RFX4: variants seen among roughly 807,000 people sequenced by gnomAD.
The protein encoded by RFX4 is regulatory factor X4, also known as transcription factor RFX4.
RFX4 carries 10 observed loss-of-function variants against 95.0 expected under a neutral mutation model. That is an observed-to-expected ratio of 0.11 (90% CI 0.06 to 0.18). The LOEUF is 0.18. RFX4 is among the 10% of genes least tolerant of loss of function. RFX4 has a pLI of 1.00. For synonymous variants in RFX4, 321 were observed against 340.7 expected, an observed-to-expected ratio of 0.94 and a Z score of 0.64; for missense variants, 640 against 922.0, an observed-to-expected ratio of 0.69 and a Z score of 3.96.
At chr12:106,654,043 C>T (rs1431028897) in intron 3 of RFX4, among the ~76,000 whole-genome samples, 185 bp from the exon 4 acceptor site, 1 of 152,202 alleles carries the variant, frequency 6.6e-6, no homozygotes, top group South Asian at 2.1e-4. Context: ...TCTGACACTG[C>T]CAAGCCACTA....
intron 2 of RFX4, among the ~76,000 whole-genome samples, chr12:106,623,615 G>A (rs1012974592): frequency 7.2e-5 from 11 of 152,108 alleles, no homozygotes; most frequent in African/African-American, 2.7e-4. Flanking sequence ...AATTACTTAC[G>A]AGGGAAAAAA....
intron 7 of RFX4, among the ~76,000 whole-genome samples, chr12:106,691,310 TG>T (rs1198103031): frequency 6.6e-6 from 1 of 152,244 alleles, no homozygotes. Context: ...TCTTTTCAGA[TG>T]TATCAACCAG....
intron 3 of RFX4, among the ~76,000 whole-genome samples, chr12:106,648,488 G>T (rs1347013031): frequency 4.1e-5 from 6 of 145,640 alleles, no homozygotes; most frequent in Admixed American, 2.1e-4. Flanking sequence ...CTTAGCAAGG[G>T]TTTTTTTTTT....
intron 5 of RFX4, chr12:106,685,028 T>TCCGTG: frequency 6.5e-7 from 1 of 1,533,416 alleles, no homozygotes. Context: ...TTTTGTGACT[T>TCCGTG]TCATTGTATC....
intron 2 of RFX4, among the ~76,000 whole-genome samples, chr12:106,634,246 G>A (rs2040470217): frequency 6.6e-6 from 1 of 152,160 alleles, no homozygotes; most frequent in South Asian, 2.1e-4. Flanking sequence ...CTCAGCTCAA[G>A]TGCCGTCTCC....
rs560560572 is a variant in RFX4, at chr12:106,627,542, AAAAAC to A, written c.131-11768_131-11764del. Among the ~76,000 whole-genome samples, 282 of 152,312 alleles carry A rather than the reference AAAAAC, an allele frequency of 1.9e-3. 1 individual carries two copies. The highest frequency in any genetic ancestry group is 6.0e-3 in the African/African-American group (251 of 41,574). ...ACAAGAGTGAAACTCCGTCTCAGAA[AAAAAC>A]AAAACAAAACAAAACAAAACACATC... On this transcript the variant is annotated intron_variant, in intron 2 of 17. Coordinates refer to ENST00000392842, the MANE Select transcript of RFX4 (RefSeq NM_213594.3).
chr12:106,586,149 G>C lies in RFX4; in HGVS notation c.43+2786G>C, dbSNP rs960295547. On this transcript the variant is annotated intron_variant, in intron 1 of 17. Coordinates refer to ENST00000392842, the MANE Select transcript of RFX4 (RefSeq NM_213594.3). The surrounding 1 kb of genome is among the most constrained non-coding windows in gnomAD (Gnocchi z 5.6). ...GAGGCAAAGCCCCAGCTTGCCGCGC[G>C]CCGCGGTGCTCCGGCAGGAGGCAAA... Among the ~76,000 whole-genome samples, 2 of 152,190 alleles carry C rather than the reference G, an allele frequency of 1.3e-5. No homozygotes were observed. The highest frequency in any genetic ancestry group is 2.4e-5 in the African/African-American group (1 of 41,456).
intron 1 of RFX4, among the ~76,000 whole-genome samples, chr12:106,602,537 G>A (rs376658047): frequency 6.6e-6 from 1 of 152,130 alleles, no homozygotes; most frequent in Admixed American, 6.5e-5. Context: ...TCCCAAGCCC[G>A]TCTCTGTCTT....
At chr12:106,726,419 A>G (rs903504110) in intron 13 of RFX4, among the ~76,000 whole-genome samples, 3 of 151,998 alleles carry the variant, frequency 2.0e-5, no homozygotes, top group African/African-American at 7.2e-5. Context: ...CCCCCGCAAA[A>G]TAAGGAAATG....
intron 1 of RFX4, chr12:106,601,115 C>G (rs368506533): frequency 7.1e-7 from 1 of 1,415,164 alleles, no homozygotes; most frequent in African/African-American, 1.4e-5. Flanking sequence ...AACCCAGCAG[C>G]CCCTGGGGCA....
At position 106,646,407 on chromosome 12, in the gene RFX4, C is replaced by A. The variant is rs1219850450; in HGVS notation, c.191+7015C>A. Among the ~76,000 whole-genome samples, 18 of 116,470 alleles carry A rather than the reference C, an allele frequency of 1.5e-4. No homozygotes were observed. In the Admixed American group the frequency reaches 1.9e-3, roughly 12 times the overall value. 76.4% of individuals were successfully genotyped at this position (116,470 alleles called of 152,430 possible). A position where few individuals can be genotyped will look rare whatever the true frequency, so the allele number is the denominator to read the frequency against. ...ACCAAATGGAAATTGCAACACTGTGCTTAATACATTGCCTAGTTTTATCCA... is the reference window on the plus strand; with the variant it reads ...ACCAAATGGAAATTGCAACACTGTGATTAATACATTGCCTAGTTTTATCCA... On this transcript the variant is annotated intron_variant, in intron 3 of 17. Coordinates refer to ENST00000392842, the MANE Select transcript of RFX4 (RefSeq NM_213594.3).
In RFX4 at chr12:106,700,653, G is replaced by A. The variant is rs891643448; in HGVS notation, c.833+4207G>A. 4.0e-5 allele frequency among the ~76,000 whole-genome samples: 6 copies of A among 151,714 alleles called. No individual in the cohort carries two copies. The East Asian group carries it at 5.9e-4, about 15-fold the overall frequency. Reference sequence around the variant, plus strand: ...GATCTCCTGACCTCGTGATCCGCCCGCCTCGGCCTCCCAAAGTGCTGGGAT... The same window carrying A: ...GATCTCCTGACCTCGTGATCCGCCCACCTCGGCCTCCCAAAGTGCTGGGAT... On this transcript the variant is annotated intron_variant, in intron 8 of 17. Coordinates refer to ENST00000392842, the MANE Select transcript of RFX4 (RefSeq NM_213594.3).
intron 15 of RFX4, among the ~76,000 whole-genome samples, chr12:106,737,431 T>C (rs2042732171): frequency 6.6e-6 from 1 of 151,800 alleles, no homozygotes; most frequent in Non-Finnish European, 1.5e-5. Context: ...AACAATATAG[T>C]GTGAGGAGTG....
chr12:106,609,197 G>A (rs2039904564), intron 2 of RFX4, among the ~76,000 whole-genome samples: 1 of 152,192 alleles, frequency 6.6e-6, no homozygotes, highest in Admixed American at 6.5e-5. Flanking sequence ...GTGGACCCTG[G>A]TTGGGAAAGG....
At chr12:106,725,987 C>T (rs2042487865) in intron 13 of RFX4, among the ~76,000 whole-genome samples, 1 of 152,012 alleles carries the variant, frequency 6.6e-6, no homozygotes, top group African/African-American at 2.4e-5. Flanking sequence ...TGGCTCACAC[C>T]TGTAGTCCCA....
chr12:106,747,065 T>C (rs943553251), intron 15 of RFX4, among the ~76,000 whole-genome samples: 2 of 152,166 alleles, frequency 1.3e-5, no homozygotes, highest in African/African-American at 4.8e-5. Flanking sequence ...GGATTACAAA[T>C]TGCAGTAGGC....
At position 106,608,801 on chromosome 12, in the gene RFX4, C is replaced by G. The variant is rs751639800; in HGVS notation, c.48C>G (p.Ser16Arg). 4.5e-5 allele frequency: 70 copies of G among 1,568,876 alleles called. No homozygotes were observed. The highest frequency in any genetic ancestry group is 5.8e-5 in the Non-Finnish European group (67 of 1,162,334). Reference sequence around the variant, plus strand: ...CTTTCTTTTTTTTTTTTTTAGAGAGCTGGATTGAAAGATGTCTCAACGAAA... The same window carrying G: ...CTTTCTTTTTTTTTTTTTTAGAGAGGTGGATTGAAAGATGTCTCAACGAAA... ...LEEPDMDSTE[S>R]WIERCLNESE... The change falls in exon 2 of 18, where the codon AGC (serine) becomes AGG (arginine). Residue 16 changes from serine to arginine, a missense_variant. This residue lies in a region of RFX4 where 63 missense variants were observed against 68.8 expected (regional missense o/e 0.92). Coordinates refer to ENST00000392842, the MANE Select transcript of RFX4 (RefSeq NM_213594.3).
chr12:106,687,203 C>G (rs1415558144), intron 6 of RFX4, 106 bp downstream of exon 6: 4 of 731,198 alleles, frequency 5.5e-6, no homozygotes, highest in Non-Finnish European at 6.8e-6. Context: ...CACACACACA[C>G]ACACACACAC....
intron 4 of RFX4, chr12:106,681,198 C>A (rs1306389366): frequency 7.9e-5 from 12 of 152,262 alleles, no homozygotes; most frequent in Non-Finnish European, 2.9e-5. Context: ...TTCATTCCTT[C>A]ATTCAACAGA....
Sources: allele counts gnomAD v4.1 joint callset (sites outside exome capture counted in the v4.1 genomes callset), GRCh38; gene constraint gnomAD v4.1.1; regional missense constraint gnomAD v4.1.1; non-coding constraint Gnocchi (gnomAD v3.1); transcripts MANE v1.5; gene names NCBI Gene and HGNC (gene_info 2026-07-23, HGNC 2026-07-21).